The following DPP10 variants were observed in gnomAD, a reference collection of about 807,000 sequenced individuals.
DPP10 encodes the protein dipeptidyl peptidase like 10, also known as inactive dipeptidyl peptidase 10.
A neutral mutation model predicts 120.9 loss-of-function variants in DPP10; 33 were observed. The ratio of observed to expected loss-of-function variants is 0.27; its 90% CI spans 0.21 to 0.37. The LOEUF is 0.37. Among genes scored for constraint, DPP10 ranks in the 10% least tolerant of loss-of-function variants. The pLI is 1.00. For missense variants in DPP10, 816 were observed against 942.8 expected (o/e 0.87, Z 1.76); for synonymous variants, 337 against 326.1 (o/e 1.03, Z -0.36).
At chr2:115,335,638 A>C (rs2063080292) in intron 2 of DPP10, among the ~76,000 whole-genome samples, 1 of 152,132 alleles carries the variant, frequency 6.6e-6, no homozygotes, top group African/African-American at 2.4e-5. Flanking sequence ...AAGCAATGGC[A>C]GATATTTTGA....
chr2:115,729,511 A>G (rs969692694), intron 8 of DPP10, among the ~76,000 whole-genome samples: 17 of 152,198 alleles, frequency 1.1e-4, no homozygotes, highest in South Asian at 2.1e-4. Context: ...CAAGCCTGTA[A>G]TCTCAGAGCT....
chr2:115,745,980 T>G, intron 9 of DPP10, 106 bp from the exon 10 acceptor site: 1 of 791,008 alleles, frequency 1.3e-6, no homozygotes, highest in South Asian at 2.2e-5. Flanking sequence ...TAAACTTTTT[T>G]TCTTTTCTAA....
intron 1 of DPP10, among the ~76,000 whole-genome samples, chr2:114,566,556 A>G (rs953744719): frequency 2.6e-5 from 4 of 152,160 alleles, no homozygotes; most frequent in African/African-American, 4.8e-5. Flanking sequence ...CTGTTCCAAG[A>G]TCTAATCCAT....
At chr2:114,700,277 C>G (rs776080609) in intron 1 of DPP10, among the ~76,000 whole-genome samples, 20 of 152,044 alleles carry the variant, frequency 1.3e-4, no homozygotes, top group Non-Finnish European at 2.1e-4. Context: ...TGCCCCTGTC[C>G]CAATGGCTGT....
At chr2:114,818,712 A>G (rs945974711) in intron 1 of DPP10, among the ~76,000 whole-genome samples, 3 of 152,126 alleles carry the variant, frequency 2.0e-5, no homozygotes, top group African/African-American at 7.2e-5. Flanking sequence ...AGTAGATGAC[A>G]TCTGCTGGAA....
intron 1 of DPP10, chr2:115,064,862 G>A: frequency 1.5e-6 from 2 of 1,297,746 alleles, no homozygotes; most frequent in South Asian, 2.5e-5. Context: ...TTTCTGATTG[G>A]GTTTCATTTA....
intron 1 of DPP10, among the ~76,000 whole-genome samples, chr2:115,231,990 T>C (rs2057757118): frequency 6.6e-6 from 1 of 151,938 alleles, no homozygotes; most frequent in Non-Finnish European, 1.5e-5. Flanking sequence ...TGGTGTAGAC[T>C]CCTGCATGTG....
intron 5 of DPP10, among the ~76,000 whole-genome samples, chr2:115,672,845 C>T (rs2090011494): frequency 6.6e-6 from 1 of 151,838 alleles, no homozygotes; most frequent in Non-Finnish European, 1.5e-5. Context: ...CACCTGGGTT[C>T]AAGTGATTCT....
chr2:115,269,738 T>C (rs1011094505), intron 1 of DPP10, among the ~76,000 whole-genome samples: 2 of 152,152 alleles, frequency 1.3e-5, no homozygotes, highest in African/African-American at 4.8e-5. Flanking sequence ...TCTGCCACTT[T>C]CTATTGGTTT....
intron 1 of DPP10, among the ~76,000 whole-genome samples, chr2:114,574,532 T>G (rs1304895923): frequency 6.6e-6 from 1 of 152,174 alleles, no homozygotes; most frequent in Non-Finnish European, 1.5e-5. Context: ...TGGTTAACAT[T>G]GTTTAACACA....
chr2:115,372,196 A>G (rs996709337), intron 3 of DPP10, among the ~76,000 whole-genome samples: 2 of 152,186 alleles, frequency 1.3e-5, no homozygotes, highest in African/African-American at 4.8e-5. Flanking sequence ...ATTATTCTCA[A>G]TATGAATTAT....
chr2:114,849,106 T>G (rs1688758910), intron 1 of DPP10, among the ~76,000 whole-genome samples: 1 of 152,172 alleles, frequency 6.6e-6, no homozygotes, highest in African/African-American at 2.4e-5. Context: ...AACTTCTTAG[T>G]GCCCATATTT....
At chr2:115,390,976 C>T (rs11902350) in intron 3 of DPP10, among the ~76,000 whole-genome samples, 121,233 of 152,014 alleles carry the variant, frequency 0.8, 48,710 homozygotes, top group Admixed American at 0.85. Flanking sequence ...TTCATTATGA[C>T]TGACAGAGAT....
At chr2:115,377,828 G>A (rs1037995385) in intron 3 of DPP10, among the ~76,000 whole-genome samples, 2 of 152,130 alleles carry the variant, frequency 1.3e-5, no homozygotes, top group Non-Finnish European at 2.9e-5. Flanking sequence ...CCCATTGCTT[G>A]TTTTTGTCAG....
intron 1 of DPP10, among the ~76,000 whole-genome samples, chr2:114,680,842 A>G (rs1212455580): frequency 6.6e-6 from 1 of 151,974 alleles, no homozygotes; most frequent in Non-Finnish European, 1.5e-5. Flanking sequence ...TAGAAAAACC[A>G]TGTGACTAAT....
chr2:114,689,080 A>G (rs773721182), intron 1 of DPP10, among the ~76,000 whole-genome samples: 1 of 150,752 alleles, frequency 6.6e-6, no homozygotes, highest in African/African-American at 2.4e-5. Flanking sequence ...TTTTTCTTCA[A>G]CTGTTATTTT....
At chr2:114,747,192 G>C (rs750549411) in intron 1 of DPP10, among the ~76,000 whole-genome samples, 5 of 152,116 alleles carry the variant, frequency 3.3e-5, no homozygotes, top group Non-Finnish European at 7.4e-5. Flanking sequence ...ACATTTAGAT[G>C]TTAGTCACAC....
intron 1 of DPP10, among the ~76,000 whole-genome samples, chr2:114,541,668 C>T (rs191466939): frequency 1.3e-5 from 2 of 152,190 alleles, no homozygotes; most frequent in East Asian, 3.9e-4. Flanking sequence ...TAAGTTATTA[C>T]TTATACCTGA....
intron 1 of DPP10, among the ~76,000 whole-genome samples, chr2:114,557,040 A>G (rs1311204791): frequency 6.6e-6 from 1 of 150,440 alleles, no homozygotes; most frequent in African/African-American, 2.5e-5. Context: ...GCTTAGAAGT[A>G]GAGAAAAGTG....
Sources: gnomAD v4.1 joint callset for allele counts (sites outside exome capture counted in the v4.1 genomes callset) on GRCh38, gnomAD v4.1.1 for gene constraint, MANE v1.5 for transcripts, NCBI Gene and HGNC (gene_info 2026-07-23, HGNC 2026-07-21) for gene names.